UBAP2: variants seen among roughly 807,000 people sequenced by gnomAD.
The protein encoded by UBAP2 is ubiquitin associated protein 2.
In UBAP2, 75 loss-of-function variants were observed where a neutral mutation model predicts 139.6. That is an observed-to-expected ratio of 0.54 (90% CI 0.45 to 0.65). The LOEUF is 0.65. UBAP2 is among the 30% of genes least tolerant of loss of function. The probability of loss-of-function intolerance (pLI) is 0.00; values close to 1 mark genes in which losing one functional copy is unlikely to be tolerated. For synonymous variants in UBAP2, 526 were observed against 526.2 expected (o/e 1.00, Z 0.01); for missense variants, 1,368 against 1,369.6 (o/e 1.00, Z 0.02).
chr9:34,035,244 T>C (rs908749710), intron 1 of UBAP2, among the ~76,000 whole-genome samples: 4 of 151,880 alleles, frequency 2.6e-5, no homozygotes, highest in Non-Finnish European at 5.9e-5. Flanking sequence ...GGCTCACGCC[T>C]GTAATCCCAG....
In UBAP2 at chr9:33,974,726, C is replaced by T. The variant is rs188622839; in HGVS notation, c.521-1489G>A. Among the ~76,000 whole-genome samples, 23 of 152,094 alleles carry T rather than the reference C, an allele frequency of 1.5e-4. No homozygotes were observed. In the East Asian group the frequency reaches 3.7e-3, roughly 24 times the overall value. On this transcript the variant is annotated intron_variant, in intron 6 of 28. Coordinates refer to ENST00000379238, the MANE Select transcript of UBAP2 (RefSeq NM_001370062.2). ...CAGCACTTTCAGAGGCCAAGGCAGGCGGATCACCTGAGGTCAGGAGTTCAA... is the reference window on the plus strand; with the variant it reads ...CAGCACTTTCAGAGGCCAAGGCAGGTGGATCACCTGAGGTCAGGAGTTCAA...
At chr9:33,983,250 T>C (rs938640860) in intron 6 of UBAP2, among the ~76,000 whole-genome samples, 1 of 152,172 alleles carries the variant, frequency 6.6e-6, no homozygotes, top group African/African-American at 2.4e-5. Flanking sequence ...TCCTTAAACA[T>C]GTCTCTAAAC....
At chr9:33,965,763 T>C (rs1462519415) in intron 8 of UBAP2, among the ~76,000 whole-genome samples, 1 of 152,032 alleles carries the variant, frequency 6.6e-6, no homozygotes, top group Non-Finnish European at 1.5e-5. Context: ...AATCAGGGAG[T>C]GTGGGCCGGG....
intron 17 of UBAP2, chr9:33,935,569 A>G: frequency 2.1e-6 from 1 of 477,456 alleles, no homozygotes; most frequent in South Asian, 2.6e-5. Flanking sequence ...GCCTGGCCCA[A>G]GCATCTTTAA....
At position 33,998,769 on chromosome 9, in the gene UBAP2, C is replaced by A. The variant is rs370796178; in HGVS notation, c.177+18G>T. On this transcript the variant is annotated intron_variant, in intron 3 of 28. Transcript: ENST00000379238. Reference sequence around the variant, plus strand: ...AAATAGATTATAAAAATGATGATATCCTTTGCCAGAAACATACCTGCTTAA... The same window carrying A: ...AAATAGATTATAAAAATGATGATATACTTTGCCAGAAACATACCTGCTTAA... 3 of 1,598,632 alleles carry A rather than the reference C, an allele frequency of 1.9e-6. No homozygotes were observed. Among genetic ancestry groups the A allele is most frequent in the Non-Finnish European group, 1.7e-6 (2 of 1,171,986 alleles).
chr9:33,943,473 T>A lies in UBAP2; in HGVS notation c.1662A>T (p.Pro554=), dbSNP rs756078754. ...GAATCTGATTACTATTTTCACTGCT[T>A]GGAGCTGATCCAAATTCAGAGAGAG... is the stretch of plus-strand genomic sequence containing the variant. ...EPSLSEFGSA[P]SSENSNQIPI... The change falls in exon 15 of 29, where the codon CCA becomes CCT. Residue 554 remains proline, a synonymous_variant. Transcript: ENST00000379238. 6 of 1,614,214 alleles carry A rather than the reference T, an allele frequency of 3.7e-6. No homozygotes were observed. The East Asian group carries it at 1.1e-4, about 30-fold the overall frequency.
chr9:33,924,975 T>C (rs987386772), intron 22 of UBAP2, among the ~76,000 whole-genome samples: 1 of 152,222 alleles, frequency 6.6e-6, no homozygotes, highest in African/African-American at 2.4e-5. Context: ...ATTCTTTCAA[T>C]GTGGCCCAAG....
Position 33,922,959 on chromosome 9 carries a change from C to G in UBAP2, c.3072+7G>C. The G allele has an allele frequency of 6.2e-7, 1 of 1,614,172 alleles. No homozygotes were observed. Among genetic ancestry groups the G allele is most frequent in the South Asian group, 1.1e-5 (1 of 91,086 alleles). ...ACCTATACACCCAACCCACCTTTGT[C>G]CCTCACCTGTGTCTTATTGTAGACA... is the stretch of plus-strand genomic sequence containing the variant. On this transcript the variant is annotated splice_region_variant and intron_variant, in intron 27 of 28. Coordinates refer to ENST00000379238, the MANE Select transcript of UBAP2 (RefSeq NM_001370062.2).
chr9:33,937,201 GGA>G (rs1022416020), intron 16 of UBAP2, among the ~76,000 whole-genome samples: 48 of 151,930 alleles, frequency 3.2e-4, no homozygotes, highest in African/African-American at 1.1e-3. Context: ...AAACCAGGAT[GGA>G]AAATCAACAA....
In UBAP2 at chr9:34,001,041, A is replaced by G. The variant is rs545458989; in HGVS notation, c.100-2177T>C. Among the ~76,000 whole-genome samples the G allele has an allele frequency of 4.4e-4, 67 of 152,284 alleles. 1 individual carries two copies. Among genetic ancestry groups the G allele is most frequent in the African/African-American group, 1.5e-3 (61 of 41,564 alleles). On this transcript the variant is annotated intron_variant, in intron 2 of 28. Coordinates refer to ENST00000379238, the MANE Select transcript of UBAP2 (RefSeq NM_001370062.2). The stretch of plus-strand genomic sequence containing the variant: ...CATTTTCCTGAATCATAACCAACCA[A>G]TAAGTCCCAGTGCCACAGCCAAGAG...
intron 1 of UBAP2, among the ~76,000 whole-genome samples, chr9:34,029,714 G>A (rs1825724081): frequency 6.6e-6 from 1 of 151,930 alleles, no homozygotes; most frequent in African/African-American, 2.4e-5. Context: ...ATGCGGCCAG[G>A]CACGGTGGCT....
chr9:33,994,039 C>T (rs1020939104), intron 4 of UBAP2, among the ~76,000 whole-genome samples: 2 of 151,972 alleles, frequency 1.3e-5, no homozygotes, highest in South Asian at 2.1e-4. Context: ...GGATTGCAGG[C>T]GCCCACCACC....
At chr9:33,998,420 G>A (rs959496502) in intron 3 of UBAP2, 3 of 169,926 alleles carry the variant, frequency 1.8e-5, no homozygotes, top group African/African-American at 7.2e-5. Context: ...ATTTTTTAAA[G>A]GTAATTCAGT....
In UBAP2 at chr9:33,941,717, A is replaced by T. The variant is rs779384156; in HGVS notation, c.1861T>A (p.Ser621Thr). The T allele has an allele frequency of 8.1e-6, 13 of 1,614,070 alleles. No homozygotes were observed. Among genetic ancestry groups the T allele is most frequent in the Admixed American group, 3.3e-5 (2 of 60,004 alleles). The change falls in exon 16 of 29, where the codon TCT (serine) becomes ACT (threonine). Residue 621 changes from serine to threonine, a missense_variant. Physicochemically the swap from Ser to Thr is moderately conservative, Grantham distance 58 (BLOSUM62 1). Coordinates refer to ENST00000379238, the MANE Select transcript of UBAP2 (RefSeq NM_001370062.2). ...TGGTATGGGATCCTGTTATGCACAG[A>T]ACTCTGGTCATAAGAGGAAGACATT... is the stretch of plus-strand genomic sequence containing the variant. The part of the protein sequence containing the change: ...VAMSSSYDQS[S>T]VHNRIPYQSP...
intron 19 of UBAP2, among the ~76,000 whole-genome samples, chr9:33,931,416 T>C (rs1823971954): frequency 2.0e-5 from 3 of 152,170 alleles, no homozygotes. Flanking sequence ...AGGTTTTTTT[T>C]TGAGGAGATG....
intron 6 of UBAP2, among the ~76,000 whole-genome samples, chr9:33,977,516 G>C (rs1216402010): frequency 6.6e-6 from 1 of 152,000 alleles, no homozygotes; most frequent in Admixed American, 6.6e-5. Context: ...TAGCAGCTCA[G>C]AATAAAGATC....
intron 16 of UBAP2, 105 bp downstream of exon 16, chr9:33,941,544 G>T: frequency 9.9e-7 from 1 of 1,005,262 alleles, no homozygotes; most frequent in Non-Finnish European, 1.5e-6. Flanking sequence ...CAAAAGGTTA[G>T]TCAATTTGTA....
At chr9:34,019,388 G>A (rs1237137861) in intron 1 of UBAP2, among the ~76,000 whole-genome samples, 1 of 152,076 alleles carries the variant, frequency 6.6e-6, no homozygotes, top group Admixed American at 6.6e-5. Flanking sequence ...GGGCGACAGA[G>A]CAAAACTCTC....
At chr9:33,924,362 G>T in intron 22 of UBAP2, 78 bp from the exon 23 acceptor site, 1 of 1,397,758 alleles carries the variant, frequency 7.2e-7, no homozygotes, top group Non-Finnish European at 1.0e-6. Flanking sequence ...ACATGGAAGT[G>T]GTGACGCCAC....
Sources: gnomAD v4.1 joint callset for allele counts (sites outside exome capture counted in the v4.1 genomes callset) on GRCh38, gnomAD v4.1.1 for gene constraint, MANE v1.5 for transcripts, NCBI Gene and HGNC (gene_info 2026-07-23, HGNC 2026-07-21) for gene names.